TRIM65: variants seen among roughly 807,000 people sequenced by gnomAD.
TRIM65 encodes the protein E3 ubiquitin-protein ligase TRIM65.
Under a neutral mutation model 36.1 loss-of-function variants are expected in TRIM65, and 46 were observed. The ratio of observed to expected loss-of-function variants is 1.27; its 90% CI spans 1.01 to 1.63. The LOEUF (loss-of-function observed/expected upper bound fraction) is 1.63, where lower values mean the gene tolerates loss of function less well. Ranked by LOEUF, TRIM65 falls within the 40% of genes most tolerant of loss-of-function variation. The pLI is 0.00. For synonymous variants in TRIM65, 346 were observed against 313.6 expected, an observed-to-expected ratio of 1.10 and a Z score of -1.09; for missense variants, 708 against 696.6, an observed-to-expected ratio of 1.02 and a Z score of -0.18.
rs753735476 is a variant in TRIM65 at position 75,890,942 on chromosome 17, A to C, written c.1391T>G (p.Phe464Cys). 6 of 1,556,524 alleles carry C rather than the reference A, an allele frequency of 3.9e-6. No homozygotes were observed. Among genetic ancestry groups the C allele is most frequent in the Non-Finnish European group, 4.3e-6 (5 of 1,150,422 alleles). The change falls in exon 6 of 6, where the codon TTC (phenylalanine) becomes TGC (cysteine). Residue 464 changes from phenylalanine (F) to cysteine (C), a missense_variant. Coordinates refer to ENST00000269383, the MANE Select transcript of TRIM65 (RefSeq NM_173547.4). The stretch of plus-strand genomic sequence containing the variant: ...CTGGGTCTGGGGCTCCAGGCTGTAG[A>C]AGGTGAGGCAGCCTGAGGCCAGGTC... ...DLDLASGCLT[F>C]YSLEPQTQPL...
intron 1 of TRIM65, among the ~76,000 whole-genome samples, chr17:75,894,087 C>G (rs570592485): frequency 6.6e-6 from 1 of 152,180 alleles, no homozygotes; most frequent in Non-Finnish European, 1.5e-5. Context: ...TCTAAAATCT[C>G]CATTCTAGGC....
At chr17:75,883,856 A>T (rs906994060) in intron 4 of TRIM65, among the ~76,000 whole-genome samples, 4 of 151,808 alleles carry the variant, frequency 2.6e-5, no homozygotes, top group African/African-American at 9.7e-5. Flanking sequence ...TTTGGTTTGT[A>T]TGAATGTCAA....
downstream of TRIM65, among the ~76,000 whole-genome samples, chr17:75,885,982 C>G (rs2065203865): frequency 6.6e-6 from 1 of 152,170 alleles, no homozygotes; most frequent in African/African-American, 2.4e-5. Flanking sequence ...ATCCCAGCTC[C>G]CATGATCCCC....
chr17:75,880,984 G>A (rs1033827478), intron 4 of TRIM65, among the ~76,000 whole-genome samples: 5 of 150,324 alleles, frequency 3.3e-5, no homozygotes, highest in African/African-American at 1.0e-4. Flanking sequence ...GGTGGCTCAC[G>A]CCTGGAATCC....
intron 4 of TRIM65, among the ~76,000 whole-genome samples, chr17:75,883,213 T>C (rs140750638): frequency 1.3e-5 from 2 of 148,590 alleles, no homozygotes; most frequent in Non-Finnish European, 2.9e-5. Flanking sequence ...GCCTCCTGGG[T>C]TCAAGCCATC....
chr17:75,894,042 C>A (rs550710576), intron 1 of TRIM65, among the ~76,000 whole-genome samples: 1 of 152,186 alleles, frequency 6.6e-6, no homozygotes, highest in Admixed American at 6.5e-5. Flanking sequence ...TCATCTCAGC[C>A]GCTCCTGTGA....
chr17:75,891,948 C>T lies in TRIM65; in HGVS notation c.919+63G>A. On this transcript the variant is annotated intron_variant, in intron 4 of 5. Transcript: ENST00000269383. The stretch of plus-strand genomic sequence containing the variant: ...ATGTGTGGGCCCTGACCCGCCTCCA[C>T]CCCCCCAGCGGGAGGGGCAGCTGGA... 5.1e-6 allele frequency: 8 copies of T among 1,555,812 alleles called. No homozygotes were observed. In the South Asian group the frequency reaches 7.0e-5, roughly 14 times the overall value.
intron 4 of TRIM65, among the ~76,000 whole-genome samples, chr17:75,880,855 G>A (rs2065164701): frequency 6.6e-6 from 1 of 150,402 alleles, no homozygotes. Flanking sequence ...TAGGCTTGGG[G>A]GGTGGGAAAA....
downstream of TRIM65, among the ~76,000 whole-genome samples, chr17:75,886,205 G>A (rs2065205498): frequency 1.3e-5 from 2 of 152,132 alleles, no homozygotes; most frequent in African/African-American, 2.4e-5. Flanking sequence ...GCCTCCCCAG[G>A]CATGTGAAAC....
At chr17:75,882,861 C>A (rs1176139153) in intron 4 of TRIM65, among the ~76,000 whole-genome samples, 1 of 149,956 alleles carries the variant, frequency 6.7e-6, no homozygotes, top group Admixed American at 6.6e-5. Context: ...CAAACAAAAA[C>A]AAGTGGCTGG....
At chr17:75,880,277 C>T (rs1320085630), downstream of TRIM65, 1 of 150,140 alleles carries the variant, frequency 6.7e-6, no homozygotes, top group Non-Finnish European at 1.5e-5. Context: ...GTAAGATGCG[C>T]TCTAATATCA....
In TRIM65 at chr17:75,892,186, C is replaced by G; in HGVS notation, c.745-1G>C. On this transcript the variant is annotated splice_acceptor_variant, in intron 3 of 5. Transcript: ENST00000269383. LOFTEE classifies it high-confidence loss of function. ...CTGGGGGCTGGAGGAGCTGCGATTC[C>G]TGAGCCCCAGGGAGAACAAGTAAGC... The G allele has an allele frequency of 6.4e-7, 1 of 1,573,164 alleles. No individual in the cohort carries two copies. The highest frequency in any genetic ancestry group is 1.2e-5 in the South Asian group (1 of 86,112).
At position 75,892,977 on chromosome 17, in the gene TRIM65, T is replaced by G. The variant is rs535023555; in HGVS notation, c.415-127A>C. ...CTCCCCACGCCACCCCAGGCCAGCC[T>G]CCAGAGCACCGGCCTCGGTCTAACC... On this transcript the variant is annotated intron_variant, in intron 1 of 5. Transcript: ENST00000269383. 1.7e-4 allele frequency: 132 copies of G among 774,274 alleles called. No homozygotes were observed. In the African/African-American group the frequency reaches 2.1e-3, roughly 13 times the overall value. The allele number at this position is 774,274 out of a possible 1,614,324, so 48.0% of individuals were successfully genotyped here.
downstream of TRIM65, among the ~76,000 whole-genome samples, chr17:75,884,259 A>C (rs947115015): frequency 3.9e-5 from 6 of 152,136 alleles, no homozygotes; most frequent in Non-Finnish European, 8.8e-5. Context: ...GGAGTTCAGG[A>C]CCAGCCTAAC....
chr17:75,887,646 C>CAA (rs35086337), downstream of TRIM65, among the ~76,000 whole-genome samples: 30 of 90,622 alleles, frequency 3.3e-4, no homozygotes, highest in African/African-American at 1.0e-3. Flanking sequence ...GACTCCGTCT[C>CAA]AAAAAAAAAA....
At chr17:75,887,377 G>A (rs1056742240), downstream of TRIM65, among the ~76,000 whole-genome samples, 1 of 150,780 alleles carries the variant, frequency 6.6e-6, no homozygotes, top group Non-Finnish European at 1.5e-5. Context: ...CAAGCTACTC[G>A]GGAGGCTGAG....
downstream of TRIM65, among the ~76,000 whole-genome samples, chr17:75,886,860 G>A (rs561539294): frequency 1.2e-4 from 19 of 152,212 alleles, no homozygotes; most frequent in South Asian, 1.7e-3. Context: ...CTTTTCCCTC[G>A]ATACCAGCGT....
At chr17:75,893,167 C>G (rs1336698365) in intron 1 of TRIM65, among the ~76,000 whole-genome samples, 1 of 152,224 alleles carries the variant, frequency 6.6e-6, no homozygotes, top group African/African-American at 2.4e-5. Flanking sequence ...CACCTGTCCT[C>G]TCTGGGCCTA....
At chr17:75,885,554 G>A (rs946105280), downstream of TRIM65, among the ~76,000 whole-genome samples, 1 of 152,214 alleles carries the variant, frequency 6.6e-6, no homozygotes, top group Non-Finnish European at 1.5e-5. Flanking sequence ...CAGCTTGTTT[G>A]TGCTCATGTT....
Sources: allele counts gnomAD v4.1 joint callset (sites outside exome capture counted in the v4.1 genomes callset), GRCh38; gene constraint gnomAD v4.1.1; transcripts MANE v1.5; gene names NCBI Gene and HGNC (gene_info 2026-07-23, HGNC 2026-07-21).